The following CRPPA variants were observed in gnomAD, a reference collection of about 807,000 sequenced individuals.
CRPPA encodes the protein CDP-L-ribitol pyrophosphorylase A, also known as D-ribitol-5-phosphate cytidylyltransferase.
A neutral mutation model predicts 52.0 loss-of-function variants in CRPPA; 43 were observed. The ratio of observed to expected loss-of-function variants is 0.83; its 90% CI spans 0.65 to 1.07. The LOEUF (loss-of-function observed/expected upper bound fraction) is 1.07, where lower values mean the gene tolerates loss of function less well. CRPPA is among the 50% of genes least tolerant of loss of function. The pLI is 0.00. For missense variants in CRPPA, 629 were observed against 551.7 expected (o/e 1.14, Z -1.40); for synonymous variants, 250 against 203.5 (o/e 1.23, Z -1.94).
chr7:16,174,131 G>A (rs143291619), intron 9 of CRPPA, among the ~76,000 whole-genome samples: 287 of 152,176 alleles, frequency 1.9e-3, no homozygotes, highest in Non-Finnish European at 3.5e-3. Flanking sequence ...AGACCAAAAA[G>A]GCCACAAACT....
chr7:16,242,105 C>T (rs1032317995), intron 8 of CRPPA, among the ~76,000 whole-genome samples: 2 of 151,406 alleles, frequency 1.3e-5, no homozygotes, highest in African/African-American at 4.9e-5. Context: ...CAGGCACCCG[C>T]CACCACACCC....
intron 6 of CRPPA, among the ~76,000 whole-genome samples, chr7:16,259,954 G>C (rs1053638151): frequency 6.6e-6 from 1 of 151,958 alleles, no homozygotes; most frequent in Non-Finnish European, 1.5e-5. Context: ...CTAGAAATTA[G>C]TTGGCTATTA....
chr7:16,124,369 A>G (rs1448712706), intron 9 of CRPPA, among the ~76,000 whole-genome samples: 2 of 151,998 alleles, frequency 1.3e-5, no homozygotes, highest in African/African-American at 4.8e-5. Flanking sequence ...AATTTGTAGT[A>G]TATATATATG....
At chr7:16,269,396 G>A (rs939078598) in intron 6 of CRPPA, 28 of 152,068 alleles carry the variant, frequency 1.8e-4, no homozygotes, top group Admixed American at 8.5e-4. Context: ...CAATCCAGTA[G>A]AATAGAGTGC....
intron 9 of CRPPA, among the ~76,000 whole-genome samples, chr7:16,163,777 C>T (rs987647953): frequency 2.0e-5 from 3 of 152,122 alleles, no homozygotes; most frequent in African/African-American, 7.2e-5. Flanking sequence ...ACTTATGAAG[C>T]TTTGTTTGGC....
chr7:16,417,639 G>T (rs1427716915), intron 1 of CRPPA, among the ~76,000 whole-genome samples: 2 of 152,132 alleles, frequency 1.3e-5, no homozygotes, highest in Non-Finnish European at 2.9e-5. Context: ...TCACTAGAGG[G>T]AGGAGGGAGG....
chr7:16,129,982 A>G (rs1782651291), intron 9 of CRPPA, among the ~76,000 whole-genome samples: 1 of 152,168 alleles, frequency 6.6e-6, no homozygotes, highest in African/African-American at 2.4e-5. Context: ...ATGAGGAAGC[A>G]CACAAATAAA....
chr7:16,322,669 G>T (rs976859253), intron 3 of CRPPA, among the ~76,000 whole-genome samples: 5 of 152,140 alleles, frequency 3.3e-5, no homozygotes, highest in Non-Finnish European at 7.4e-5. Flanking sequence ...AATTTCTACA[G>T]ACCAGTGATT....
At chr7:16,210,968 G>A (rs1051037957) in intron 9 of CRPPA, among the ~76,000 whole-genome samples, 1 of 152,026 alleles carries the variant, frequency 6.6e-6, no homozygotes, top group Admixed American at 6.5e-5. Flanking sequence ...ATAGCTAGAA[G>A]AGCATAACTA....
intron 6 of CRPPA, among the ~76,000 whole-genome samples, chr7:16,260,892 T>C (rs1243852253): frequency 6.6e-6 from 1 of 152,090 alleles, no homozygotes; most frequent in Non-Finnish European, 1.5e-5. Flanking sequence ...AAATGTTTAA[T>C]AATTTTAAAA....
intron 8 of CRPPA, among the ~76,000 whole-genome samples, chr7:16,257,327 T>C (rs750949338): frequency 1.3e-5 from 2 of 152,114 alleles, no homozygotes; most frequent in Non-Finnish European, 2.9e-5. Flanking sequence ...ACACAGAACT[T>C]TGAACTTATC....
At chr7:16,148,339 G>T (rs962242815) in intron 9 of CRPPA, among the ~76,000 whole-genome samples, 1 of 152,082 alleles carries the variant, frequency 6.6e-6, no homozygotes, top group South Asian at 2.1e-4. Context: ...GCACTCCTAT[G>T]TTTAATGCAG....
chr7:16,110,260 T>A (rs1275548034), intron 9 of CRPPA, among the ~76,000 whole-genome samples: 1 of 151,960 alleles, frequency 6.6e-6, no homozygotes, highest in Admixed American at 6.6e-5. Flanking sequence ...AAAACACTGA[T>A]AAAAAAATTG....
intron 8 of CRPPA, among the ~76,000 whole-genome samples, chr7:16,236,827 A>G (rs1380626921): frequency 6.6e-6 from 1 of 152,122 alleles, no homozygotes; most frequent in Non-Finnish European, 1.5e-5. Context: ...AAGACATTGT[A>G]ATATAAAAGA....
At chr7:16,165,751 C>T (rs1244984060) in intron 9 of CRPPA, among the ~76,000 whole-genome samples, 5 of 152,224 alleles carry the variant, frequency 3.3e-5, no homozygotes, top group Non-Finnish European at 5.9e-5. Context: ...CTCCCAGTTA[C>T]ACTGTTATAA....
At chr7:16,251,292 C>T (rs1383056896) in intron 8 of CRPPA, among the ~76,000 whole-genome samples, 1 of 151,984 alleles carries the variant, frequency 6.6e-6, no homozygotes, top group Non-Finnish European at 1.5e-5. Flanking sequence ...ACTTTAACAC[C>T]CCACTGTCAA....
intron 9 of CRPPA, among the ~76,000 whole-genome samples, chr7:16,101,733 A>G (rs1279938816): frequency 6.6e-6 from 1 of 151,976 alleles, no homozygotes. Flanking sequence ...CAAAGAGAAT[A>G]GAATACAACT....
intron 9 of CRPPA, among the ~76,000 whole-genome samples, chr7:16,197,320 C>G (rs889859635): frequency 2.6e-5 from 4 of 152,132 alleles, no homozygotes; most frequent in African/African-American, 9.7e-5. Context: ...ACTTGAAACC[C>G]TGAAAAGAAT....
At chr7:16,277,493 AT>A (rs1784228836) in intron 6 of CRPPA, 3 of 152,274 alleles carry the variant, frequency 2.0e-5, no homozygotes, top group South Asian at 2.1e-4. Context: ...GAAGTTATAT[AT>A]TTTAATGAAA....
Sources: gnomAD v4.1 joint callset for allele counts (sites outside exome capture counted in the v4.1 genomes callset) on GRCh38, gnomAD v4.1.1 for gene constraint, MANE v1.5 for transcripts, NCBI Gene and HGNC (gene_info 2026-07-23, HGNC 2026-07-21) for gene names.